The following MISP variants were observed in gnomAD, a reference collection of about 807,000 sequenced individuals.
MISP encodes mitotic spindle positioning.
In MISP, 51 loss-of-function variants were observed where a neutral mutation model predicts 49.3. The ratio of observed to expected loss-of-function variants is 1.03; its 90% CI spans 0.83 to 1.31. The LOEUF (loss-of-function observed/expected upper bound fraction) is 1.31. Ranked by LOEUF, MISP falls within the 50% of genes most tolerant of loss-of-function variation. The pLI is 0.00. For missense variants in MISP, 1,084 were observed against 935.1 expected (o/e 1.16, Z -2.08); for synonymous variants, 444 against 392.6 (o/e 1.13, Z -1.55).
rs138014814 is a variant in MISP at position 759,916 on chromosome 19, G to A, written c.1788G>A (p.Thr596=). 1.9e-5 allele frequency: 30 copies of A among 1,613,850 alleles called. No homozygotes were observed. The highest frequency in any genetic ancestry group is 1.6e-4 in the Middle Eastern group (1 of 6,082). Residue 596 remains threonine, a synonymous_variant, in exon 3 of 5, where the codon ACG becomes ACA. Coordinates refer to ENST00000215582, the MANE Select transcript of MISP (RefSeq NM_173481.4). ...SRSSSQASGI[T]GSYSVSESPF... is the part of the protein sequence containing the mutation. Reference sequence around the variant, plus strand: ...CTCCCTGCTCCCCTACAGGCATCACGGGCAGTTACTCGGTGTCTGAGTCTC... The same window carrying A: ...CTCCCTGCTCCCCTACAGGCATCACAGGCAGTTACTCGGTGTCTGAGTCTC...
intron 1 of MISP, among the ~76,000 whole-genome samples, chr19:753,596 C>T (rs2033496025): frequency 1.3e-5 from 2 of 151,688 alleles, no homozygotes; most frequent in Non-Finnish European, 2.9e-5. Context: ...ACCATTTTAG[C>T]CAGGATGGTC....
intron 1 of MISP, among the ~76,000 whole-genome samples, chr19:753,388 T>C (rs868479501): frequency 0.015 from 2,327 of 150,784 alleles, 76 homozygotes; most frequent in African/African-American, 0.053. Context: ...TTTCTTTTTT[T>C]CTTTTTTTTT....
intron 4 of MISP, 45 bp downstream of exon 4, chr19:761,708 C>T (rs766509439): frequency 1.2e-6 from 2 of 1,609,046 alleles, no homozygotes; most frequent in South Asian, 1.1e-5. Flanking sequence ...TTCCCCCCCA[C>T]ATCTGTGCCC....
At chr19:759,066 C>T (rs1037310448) in intron 2 of MISP, among the ~76,000 whole-genome samples, 1 of 152,162 alleles carries the variant, frequency 6.6e-6, no homozygotes, top group Admixed American at 6.5e-5. Flanking sequence ...CTCTGTCGCC[C>T]AGGCTGGAGT....
intron 1 of MISP, among the ~76,000 whole-genome samples, chr19:755,459 T>TA (rs1164101055): frequency 1.3e-5 from 2 of 152,124 alleles, no homozygotes; most frequent in African/African-American, 4.8e-5. Flanking sequence ...AAACTGGAGT[T>TA]GCTGTCAGTC....
chr19:758,370 G>A lies in MISP; in HGVS notation c.1424G>A (p.Gly475Glu). The stretch of plus-strand genomic sequence containing the variant: ...CCGAGGCATCTCTCAGAATCCTCTG[G>A]AAAACCCCTGAGCACAAAGCAAGAG... ...MSPRHLSESS[G>E]KPLSTKQEAS... The change falls in exon 2 of 5, where the codon GGA becomes GAA. Residue 475 changes from glycine (G) to glutamate (E), a missense_variant. Gly to Glu is a moderately conservative substitution (Grantham distance 98, BLOSUM62 -2). Coordinates refer to ENST00000215582, the MANE Select transcript of MISP (RefSeq NM_173481.4). 1.2e-6 allele frequency: 2 copies of A among 1,614,180 alleles called. No individual in the cohort carries two copies. The highest frequency in any genetic ancestry group is 1.7e-6 in the Non-Finnish European group (2 of 1,180,030).
upstream of MISP, among the ~76,000 whole-genome samples, chr19:748,723 G>A (rs1245336439): frequency 6.6e-6 from 1 of 152,236 alleles, no homozygotes; most frequent in Non-Finnish European, 1.5e-5. Flanking sequence ...CTGGGGAGGA[G>A]GTGTCTGTAG....
intron 1 of MISP, among the ~76,000 whole-genome samples, chr19:755,527 A>C (rs1247286019): frequency 2.0e-5 from 3 of 152,114 alleles, no homozygotes; most frequent in Non-Finnish European, 4.4e-5. Flanking sequence ...GCCATCTGTA[A>C]TTGTCAGATG....
In MISP at chr19:757,261, A is replaced by T; in HGVS notation, c.315A>T (p.Gly105=). The change falls in exon 2 of 5, where the codon GGA becomes GGT. Residue 105 remains glycine, a synonymous_variant. Transcript: ENST00000215582. ...TGGGCGCCAGGGATGCCCACCAGGG[A>T]CGTCCAACATGGGCACTCCGCCCAG... ...YRLGARDAHQ[G]RPTWALRPED... The T allele has an allele frequency of 6.2e-7, 1 of 1,613,896 alleles. No homozygotes were observed.
chr19:761,782 C>A, intron 4 of MISP, 119 bp downstream of exon 4: 1 of 1,060,644 alleles, frequency 9.4e-7, no homozygotes. Context: ...GGTGTCTTCT[C>A]AATTGGTAGT....
chr19:749,070 G>A (rs140439903), upstream of MISP, among the ~76,000 whole-genome samples: 11 of 152,198 alleles, frequency 7.2e-5, no homozygotes, highest in South Asian at 2.1e-4. Flanking sequence ...CCTGGGAGGC[G>A]GAGGCTGCAG....
intron 1 of MISP, among the ~76,000 whole-genome samples, chr19:752,288 A>G (rs1362117487): frequency 6.6e-6 from 1 of 152,166 alleles, no homozygotes; most frequent in Non-Finnish European, 1.5e-5. Context: ...GCCGCTGCCC[A>G]AGAATGCCGG....
intron 4 of MISP, 63 bp downstream of exon 4, chr19:761,726 C>T: frequency 1.9e-6 from 3 of 1,574,322 alleles, no homozygotes; most frequent in Non-Finnish European, 2.6e-6. Context: ...CCCCTGCACA[C>T]AGGGGCCAAC....
intron 1 of MISP, among the ~76,000 whole-genome samples, chr19:754,230 C>T (rs893073829): frequency 8.5e-5 from 13 of 152,124 alleles, no homozygotes; most frequent in Middle Eastern, 3.4e-3. Flanking sequence ...TTTGGGAGGC[C>T]GAGGCGGGAG....
chr19:758,833 G>A, intron 2 of MISP, 107 bp downstream of exon 2: 3 of 862,788 alleles, frequency 3.5e-6, no homozygotes, highest in East Asian at 2.7e-5. Context: ...TGGGGTTGGG[G>A]AGACATTGCC....
At chr19:753,408 G>T (rs368710727) in intron 1 of MISP, among the ~76,000 whole-genome samples, 1 of 145,740 alleles carries the variant, frequency 6.9e-6, no homozygotes, top group South Asian at 2.2e-4. Context: ...TTTTTTTGAG[G>T]CGGAGTCTAG....
chr19:753,129 G>A (rs181539019), intron 1 of MISP, among the ~76,000 whole-genome samples: 179 of 152,366 alleles, frequency 1.2e-3, no homozygotes, highest in Admixed American at 2.5e-3. Context: ...CACGGAGGAG[G>A]AGGCCTCGGG....
upstream of MISP, among the ~76,000 whole-genome samples, chr19:749,322 C>G (rs1038063209): frequency 6.6e-6 from 1 of 152,212 alleles, no homozygotes; most frequent in Non-Finnish European, 1.5e-5. Flanking sequence ...GGTTCCAATT[C>G]CAGCCTAAAC....
chr19:755,919 C>T (rs1057153137), intron 1 of MISP, among the ~76,000 whole-genome samples: 4 of 149,694 alleles, frequency 2.7e-5, no homozygotes, highest in African/African-American at 1.0e-4. Flanking sequence ...GGCAACAGAG[C>T]GAGACTCCAT....
Sources: allele counts gnomAD v4.1 joint callset (sites outside exome capture counted in the v4.1 genomes callset), GRCh38; gene constraint gnomAD v4.1.1; transcripts MANE v1.5; gene names NCBI Gene and HGNC (gene_info 2026-07-23, HGNC 2026-07-21).